RDH16: variants seen among roughly 807,000 people sequenced by gnomAD.
The protein encoded by RDH16 is human epidermal retinol dehydrogenase.
RDH16 carries 25 observed loss-of-function variants against 22.3 expected under a neutral mutation model. The observed-to-expected ratio is 1.12, with a 90% confidence interval of 0.82 to 1.56. The LOEUF (loss-of-function observed/expected upper bound fraction) is 1.56. RDH16 is among the 40% of genes most tolerant of loss of function. RDH16 has a pLI of 0.00. For missense variants in RDH16, 413 were observed against 394.9 expected (o/e 1.05, Z -0.39); for synonymous variants, 154 against 164.4 (o/e 0.94, Z 0.48).
At position 56,955,163 on chromosome 12, in the gene RDH16, TCC is replaced by T; in HGVS notation, c.314-1_314del. The T allele has an allele frequency of 6.2e-7, 1 of 1,613,880 alleles. No homozygotes were observed. The highest frequency in any genetic ancestry group is 1.1e-5 in the South Asian group (1 of 91,050). On this transcript the variant is annotated splice_acceptor_variant and coding_sequence_variant, in exon 2 of 4. Transcript: ENST00000398138. LOFTEE classifies it high-confidence loss of function. ...CAGCATTATTCACCAGGCCCCAGAG[TCC>T]TGGGACAGTGGGAAGATGAGAGAGC...
At chr12:56,954,102 G>A (rs7314151) in intron 2 of RDH16, among the ~76,000 whole-genome samples, 1 of 152,018 alleles carries the variant, frequency 6.6e-6, no homozygotes, top group Non-Finnish European at 1.5e-5. Flanking sequence ...AATGGCCTCA[G>A]GGCTTGAAGC....
intron 1 of RDH16, 24 bp from the exon 2 acceptor site, chr12:56,955,188 A>C: frequency 6.2e-7 from 1 of 1,613,318 alleles, no homozygotes; most frequent in Non-Finnish European, 8.5e-7. Flanking sequence ...AAGATGAGAG[A>C]GCATCACTGT....
At position 56,955,014 on chromosome 12, in the gene RDH16, G is replaced by C. The variant is rs760091836; in HGVS notation, c.464C>G (p.Ala155Gly). 1 of 1,614,160 alleles carries C rather than the reference G, an allele frequency of 6.2e-7. No individual in the cohort carries two copies. Among genetic ancestry groups the C allele is most frequent in the South Asian group, 1.1e-5 (1 of 91,070 alleles). Residue 155 changes from alanine (A) to glycine (G), a missense_variant, in exon 2 of 4, where the codon GCC becomes GGC. Transcript: ENST00000398138. The part of the protein sequence containing the change: ...TLSLLPLVRR[A>G]RGRVVNVSSV... ...GGAGACGTTGACCACACGGCCCCTG[G>C]CCCTCCTCACTAAGGGCAGCAGGCT...
rs1238644157 is a variant in RDH16, at chr12:56,957,226, C to T, written c.237G>A (p.Thr79=). The change falls in exon 1 of 4, where the codon ACG becomes ACA. Residue 79 remains threonine, a synonymous_variant. Coordinates refer to ENST00000398138, the MANE Select transcript of RDH16 (RefSeq NM_003708.5). ...LRGQTSDRLE[T]VTLDVTKTES... ...CTGTCTTGGTAACATCCAGGGTCAC[C>T]GTCTCCAGCCTGTCTGAAGTCTGGC... 7 of 1,614,036 alleles carry T rather than the reference C, an allele frequency of 4.3e-6. No individual in the cohort carries two copies. Among genetic ancestry groups the T allele is most frequent in the East Asian group, 2.2e-5 (1 of 44,884 alleles).
intron 2 of RDH16, 148 bp from the exon 3 acceptor site, chr12:56,953,138 G>A: frequency 1.3e-6 from 1 of 756,240 alleles, no homozygotes; most frequent in Non-Finnish European, 2.1e-6. Flanking sequence ...CAATCAAGGG[G>A]TCATAATTAT....
At chr12:56,953,094 G>T in intron 2 of RDH16, 104 bp from the exon 3 acceptor site, 1 of 1,020,858 alleles carries the variant, frequency 9.8e-7, no homozygotes, top group Non-Finnish European at 1.4e-6. Flanking sequence ...AGGACAATGG[G>T]TAAAATAGAA....
intron 3 of RDH16, 152 bp from the exon 4 acceptor site, chr12:56,952,398 A>G: frequency 1.4e-6 from 1 of 718,398 alleles, no homozygotes; most frequent in African/African-American, 1.8e-5. Context: ...AAATTCCCTG[A>G]GCTGGAGCCC....
rs1244736111 is a variant in RDH16, at chr12:56,955,003, C to T, written c.475G>A (p.Val159Met). The stretch of plus-strand genomic sequence containing the variant: ...CCCATGACACTGGAGACGTTGACCA[C>T]ACGGCCCCTGGCCCTCCTCACTAAG... The part of the protein sequence containing the change: ...LPLVRRARGR[V>M]VNVSSVMGRV... Residue 159 changes from valine to methionine, a missense_variant, in exon 2 of 4, where the codon GTG becomes ATG. Physicochemically the swap from Val to Met is conservative, Grantham distance 21. Coordinates refer to ENST00000398138, the MANE Select transcript of RDH16 (RefSeq NM_003708.5). 1 of 1,614,076 alleles carries T rather than the reference C, an allele frequency of 6.2e-7. No homozygotes were observed. The highest frequency in any genetic ancestry group is 1.3e-5 in the African/African-American group (1 of 74,928).
intron 2 of RDH16, among the ~76,000 whole-genome samples, chr12:56,953,419 C>G (rs1955900798): frequency 6.6e-6 from 1 of 152,202 alleles, no homozygotes; most frequent in Admixed American, 6.5e-5. Context: ...GTCTGGCTCC[C>G]CACACTTACA....
Position 56,957,299 on chromosome 12 carries a change from C to A in RDH16, c.164G>T (p.Arg55Leu), listed in dbSNP as rs761804355. The change falls in exon 1 of 4, where the codon CGG becomes CTG. Residue 55 changes from arginine to leucine, a missense_variant. Coordinates refer to ENST00000398138, the MANE Select transcript of RDH16 (RefSeq NM_003708.5). ...CTCCGTCAGACATGCAGCCAGCACCCGCAAGCCTCGTGCATCCAGCTGTCT... is the reference window on the plus strand; with the variant it reads ...CTCCGTCAGACATGCAGCCAGCACCAGCAAGCCTCGTGCATCCAGCTGTCT... ...LARQLDARGLRVLAACLTEKG... is the reference protein window; with the variant it reads ...LARQLDARGLLVLAACLTEKG... 6.2e-7 allele frequency: 1 copy of A among 1,614,076 alleles called. No individual in the cohort carries two copies.
chr12:56,952,234 G>T lies in RDH16; in HGVS notation c.749C>A (p.Ala250Asp). The T allele has an allele frequency of 1.2e-6, 2 of 1,613,918 alleles. No individual in the cohort carries two copies. The highest frequency in any genetic ancestry group is 1.7e-6 in the Non-Finnish European group (2 of 1,179,918). The change falls in exon 4 of 4, where the codon GCT (alanine) becomes GAT (aspartate). Residue 250 changes from alanine to aspartate, a missense_variant. By Grantham distance (126) the Ala-to-Asp change is moderately radical. Transcript: ENST00000398138. ...EKFVADYKKSAEQMEQKCTQD... is the reference protein window; with the variant it reads ...EKFVADYKKSDEQMEQKCTQD... ...TGTGCACTTCTGCTCCATTTGTTCAGCTGATTTCTTATCTGTTAAGAATCA... is the reference window on the plus strand; with the variant it reads ...TGTGCACTTCTGCTCCATTTGTTCATCTGATTTCTTATCTGTTAAGAATCA...
Position 56,952,913 on chromosome 12 carries a change from T to C in RDH16, c.650A>G (p.Glu217Gly), listed in dbSNP as rs752959923. 6.2e-7 allele frequency: 1 copy of C among 1,614,040 alleles called. No individual in the cohort carries two copies. Among genetic ancestry groups the C allele is most frequent in the Admixed American group, 1.7e-5 (1 of 60,006 alleles). ...GYFKTAVTSK[E>G]RFLKSFLEIW... ...CTCCAGGAAGCTCTTTAAGAATCTC[T>C]CCTTACTGGTCACAGCAGTCTTGAA... The change falls in exon 3 of 4, where the codon GAG (glutamate) becomes GGG (glycine). Residue 217 changes from glutamate (E) to glycine (G), a missense_variant. Transcript: ENST00000398138.
At chr12:56,955,351 A>T (rs1288251057) in intron 1 of RDH16, among the ~76,000 whole-genome samples, 187 bp from the exon 2 acceptor site, 1 of 152,128 alleles carries the variant, frequency 6.6e-6, no homozygotes, top group Non-Finnish European at 1.5e-5. Flanking sequence ...GTGGGCCACA[A>T]AACCCAGGTC....
At position 56,957,221 on chromosome 12, in the gene RDH16, G is replaced by A. The variant is rs752588011; in HGVS notation, c.242C>T (p.Thr81Ile). The change falls in exon 1 of 4, where the codon ACC (threonine) becomes ATC (isoleucine). Residue 81 changes from threonine (T) to isoleucine (I), a missense_variant. Thr to Ile is a moderately conservative substitution (Grantham distance 89). Transcript: ENST00000398138. The part of the protein sequence containing the change: ...GQTSDRLETV[T>I]LDVTKTESVA... Reference sequence around the variant, plus strand: ...GCTCTCTGTCTTGGTAACATCCAGGGTCACCGTCTCCAGCCTGTCTGAAGT... The same window carrying A: ...GCTCTCTGTCTTGGTAACATCCAGGATCACCGTCTCCAGCCTGTCTGAAGT... 8.7e-6 allele frequency: 14 copies of A among 1,613,992 alleles called. No homozygotes were observed. The Admixed American group carries it at 2.0e-4, about 23-fold the overall frequency.
intron 3 of RDH16, among the ~76,000 whole-genome samples, 171 bp from the exon 4 acceptor site, chr12:56,952,417 G>C (rs1955889733): frequency 6.6e-6 from 1 of 152,162 alleles, no homozygotes; most frequent in South Asian, 2.1e-4. Flanking sequence ...CCATCCATGT[G>C]AAAGTAGCAA....
chr12:56,952,948 T>A lies in RDH16; in HGVS notation c.615A>T (p.Glu205Asp). ...TCACAGCAGTCTTGAAATAGCCAGG[T>A]TCAATCATAGCCACCTTCACCCCAA... Reference protein sequence around the residue: ...SYFGVKVAMIEPGYFKTAVTS... With the variant: ...SYFGVKVAMIDPGYFKTAVTS... The change falls in exon 3 of 4, where the codon GAA (glutamate) becomes GAT (aspartate). Residue 205 changes from glutamate (E) to aspartate (D), a missense_variant. Transcript: ENST00000398138. 1 of 1,613,616 alleles carries A rather than the reference T, an allele frequency of 6.2e-7. No individual in the cohort carries two copies. Among genetic ancestry groups the A allele is most frequent in the South Asian group, 1.1e-5 (1 of 91,000 alleles).
intron 2 of RDH16, among the ~76,000 whole-genome samples, chr12:56,953,501 C>T (rs765719963): frequency 1.3e-5 from 2 of 152,184 alleles, no homozygotes; most frequent in African/African-American, 4.8e-5. Flanking sequence ...GAGCAAATCC[C>T]TTTTCTGGAG....
At chr12:56,957,010 T>C in intron 1 of RDH16, 140 bp downstream of exon 1, 1 of 843,602 alleles carries the variant, frequency 1.2e-6, no homozygotes. Context: ...TCAGGCAGCC[T>C]GTTAAGTGAG....
rs140654320 is a variant in RDH16 at position 56,955,294 on chromosome 12, C to T, written c.314-130G>A. The stretch of plus-strand genomic sequence containing the variant: ...GTGTGGGATGGGGAGGAGGGTATAA[C>T]AAACACCACAGTATCACAGGGGTGG... On this transcript the variant is annotated intron_variant, in intron 1 of 3. Transcript: ENST00000398138. 1.3e-4 allele frequency: 139 copies of T among 1,095,434 alleles called. 1 individual carries two copies. In the African/African-American group the frequency reaches 2.0e-3, roughly 16 times the overall value. 67.9% of individuals were successfully genotyped at this position (1,095,434 alleles called of 1,614,324 possible).
Sources: allele counts gnomAD v4.1 joint callset (sites outside exome capture counted in the v4.1 genomes callset), GRCh38; gene constraint gnomAD v4.1.1; transcripts MANE v1.5; gene names NCBI Gene and HGNC (gene_info 2026-07-23, HGNC 2026-07-21).